The following ABCA13 variants were observed in gnomAD, a reference collection of about 807,000 sequenced individuals.
ABCA13 encodes the protein ATP binding cassette subfamily A member 13.
Under a neutral mutation model 478.7 loss-of-function variants are expected in ABCA13, and 476 were observed. The ratio of observed to expected loss-of-function variants is 0.99; its 90% CI spans 0.92 to 1.07. ABCA13 has a LOEUF of 1.07. ABCA13 is among the 50% of genes least tolerant of loss of function. The pLI is 0.00. For synonymous variants in ABCA13, 2,252 were observed against 2,158.9 expected (o/e 1.04, Z -1.20); for missense variants, 6,060 against 5,910.6 (o/e 1.03, Z -0.83).
At chr7:48,384,464 C>G (rs368471669) in intron 35 of ABCA13, among the ~76,000 whole-genome samples, 1 of 152,154 alleles carries the variant, frequency 6.6e-6, no homozygotes. Flanking sequence ...ACTGGGCAAC[C>G]CTTGCTGTTC....
chr7:48,580,751 G>T (rs892601273), intron 56 of ABCA13, among the ~76,000 whole-genome samples: 1 of 152,148 alleles, frequency 6.6e-6, no homozygotes, highest in African/African-American at 2.4e-5. Context: ...GCTTGTGAAA[G>T]TGTGGGCACA....
chr7:48,263,115 A>G (rs987131393), intron 15 of ABCA13, among the ~76,000 whole-genome samples: 1 of 151,916 alleles, frequency 6.6e-6, no homozygotes, highest in Non-Finnish European at 1.5e-5. Flanking sequence ...CAGTATCAAC[A>G]TCATCTGGAT....
At chr7:48,174,298 T>G (rs1249331931) in intron 1 of ABCA13, among the ~76,000 whole-genome samples, 2 of 152,234 alleles carry the variant, frequency 1.3e-5, no homozygotes, top group African/African-American at 4.8e-5. Flanking sequence ...ACTGTTTTTT[T>G]TAGCTTTTTT....
chr7:48,484,303 A>G (rs1417084315), intron 47 of ABCA13, among the ~76,000 whole-genome samples: 4 of 152,222 alleles, frequency 2.6e-5, no homozygotes, highest in Non-Finnish European at 5.9e-5. Context: ...GAATCTCTCC[A>G]ACAGCTGAGG....
At chr7:48,383,190 A>C (rs1259596543) in intron 35 of ABCA13, among the ~76,000 whole-genome samples, 1 of 152,226 alleles carries the variant, frequency 6.6e-6, no homozygotes, top group African/African-American at 2.4e-5. Flanking sequence ...GGATACAACT[A>C]ATAAAGAGTA....
Position 48,234,157 on chromosome 7 carries a change from C to T in ABCA13, c.897+6C>T, listed in dbSNP as rs1280088296. The T allele has an allele frequency of 6.2e-7, 1 of 1,613,896 alleles. No homozygotes were observed. The highest frequency in any genetic ancestry group is 1.1e-5 in the South Asian group (1 of 91,078). On this transcript the variant is annotated splice_donor_region_variant and intron_variant, in intron 8 of 61. Transcript: ENST00000435803. ...CTTCAGCTGAACTGAAGGAGGTACA[C>T]ATGCTTGACTGCTTCTCACACCGCT...
Position 48,274,322 on chromosome 7 carries a change from G to T in ABCA13, c.4656G>T (p.Lys1552Asn), listed in dbSNP as rs773371087. The change falls in exon 17 of 62, where the codon AAG (lysine) becomes AAT (asparagine). Residue 1552 changes from lysine to asparagine, a missense_variant. Coordinates refer to ENST00000435803, the MANE Select transcript of ABCA13 (RefSeq NM_152701.5). ...NIWLHLITLG[K>N]EFQKLVKGIY... The stretch of plus-strand genomic sequence containing the variant: ...GGCTTCATTTAATAACACTGGGGAA[G>T]GAATTTCAGAAGCTTGTAAAAGGTA... 9 of 1,613,380 alleles carry T rather than the reference G, an allele frequency of 5.6e-6. No individual in the cohort carries two copies. The Admixed American group carries it at 1.2e-4, about 21-fold the overall frequency.
At position 48,427,778 on chromosome 7, in the gene ABCA13, C is replaced by T. The variant is rs1378893581; in HGVS notation, c.12472C>T (p.Leu4158Phe). The T allele has an allele frequency of 4.3e-6, 7 of 1,610,310 alleles. No individual in the cohort carries two copies. The highest frequency in any genetic ancestry group is 1.7e-5 in the Admixed American group (1 of 59,848). ...DTTLEEVFLM[L>F]LQDSNKKSHI... ...TTTTCTCCGAAAGGTGTTTTTGATG[C>T]TTTTGCAAGATTCCAACAAGAAATC... is the stretch of plus-strand genomic sequence containing the variant. Residue 4158 changes from leucine (L) to phenylalanine (F), a missense_variant, in exon 42 of 62, where the codon CTT becomes TTT. Leu to Phe is a conservative substitution (Grantham distance 22). Coordinates refer to ENST00000435803, the MANE Select transcript of ABCA13 (RefSeq NM_152701.5).
At chr7:48,398,050 A>G (rs1817088875) in intron 38 of ABCA13, among the ~76,000 whole-genome samples, 2 of 152,198 alleles carry the variant, frequency 1.3e-5, no homozygotes, top group African/African-American at 4.8e-5. Context: ...ACTTGGATAT[A>G]CATGGAAAAT....
intron 27 of ABCA13, among the ~76,000 whole-genome samples, chr7:48,319,790 C>A (rs1803153082): frequency 1.3e-5 from 2 of 152,168 alleles, no homozygotes; most frequent in African/African-American, 4.8e-5. Context: ...GGGCTTATTG[C>A]ATTCTCTTTG....
chr7:48,329,721 C>T (rs888256568), intron 27 of ABCA13, among the ~76,000 whole-genome samples: 1 of 152,106 alleles, frequency 6.6e-6, no homozygotes, highest in African/African-American at 2.4e-5. Context: ...AACCATCCAT[C>T]CATCCATTCA....
rs1796126451 is a variant in ABCA13, at chr7:48,275,128, T to A, written c.5462T>A (p.Val1821Glu). 3 of 1,613,728 alleles carry A rather than the reference T, an allele frequency of 1.9e-6. No individual in the cohort carries two copies. In the Admixed American group the frequency reaches 5.0e-5, roughly 27 times the overall value. Residue 1821 changes from valine (V) to glutamate (E), a missense_variant, in exon 17 of 62, where the codon GTG becomes GAG. Transcript: ENST00000435803. ...TCAGAGGCTTTAGCTTGTTTTCCTG[T>A]GGTTTGGTGCTGGAATCACACAAAT... ...IISEALACFP[V>E]VWCWNHTNSG...
Position 48,586,868 on chromosome 7 carries a change from G to T in ABCA13, c.14506-286G>T, listed in dbSNP as rs757203337. Among the ~76,000 whole-genome samples the T allele has an allele frequency of 1.4e-4, 21 of 152,142 alleles. No homozygotes were observed. The South Asian group carries it at 2.5e-3, about 18-fold the overall frequency. ...CTCACCTCAACATGCTTATTTATCT[G>T]GACCCCCAACCTTGAGTGTGTTTCT... On this transcript the variant is annotated intron_variant, in intron 56 of 61. Coordinates refer to ENST00000435803, the MANE Select transcript of ABCA13 (RefSeq NM_152701.5).
chr7:48,428,482 G>A (rs1270796260), intron 42 of ABCA13, among the ~76,000 whole-genome samples: 2 of 152,274 alleles, frequency 1.3e-5, no homozygotes, highest in Middle Eastern at 3.4e-3. Flanking sequence ...TGAGCTCTAG[G>A]GATGTGGAGG....
At chr7:48,193,408 T>C (rs746577924) in intron 2 of ABCA13, among the ~76,000 whole-genome samples, 1 of 152,144 alleles carries the variant, frequency 6.6e-6, no homozygotes, top group African/African-American at 2.4e-5. Context: ...GTAATGTTGA[T>C]GGTGGTGATG....
At position 48,273,449 on chromosome 7, in the gene ABCA13, A is replaced by T. The variant is rs759246141; in HGVS notation, c.3783A>T (p.Glu1261Asp). 8.7e-6 allele frequency: 14 copies of T among 1,612,562 alleles called. No individual in the cohort carries two copies. In the South Asian group the frequency reaches 1.2e-4, roughly 14 times the overall value. Residue 1261 changes from glutamate (E) to aspartate (D), a missense_variant, in exon 17 of 62, where the codon GAA becomes GAT. Transcript: ENST00000435803. ...EQVEKSLFTM[E>D]AALHQLKTFP... ...TGGAGAAATCCCTTTTCACCATGGA[A>T]GCTGCCCTGCATCAGTTGAAGACAT... is the stretch of plus-strand genomic sequence containing the variant.
chr7:48,376,857 A>G (rs548645998), intron 35 of ABCA13, among the ~76,000 whole-genome samples: 24 of 152,278 alleles, frequency 1.6e-4, no homozygotes, highest in Non-Finnish European at 2.8e-4. Context: ...CAGTCTACAC[A>G]GAAAATATCC....
intron 59 of ABCA13, chr7:48,626,571 C>T: frequency 7.2e-6 from 7 of 974,390 alleles, no homozygotes; most frequent in Non-Finnish European, 8.5e-6. Context: ...AATAACTGGC[C>T]TATTAAACAG....
At chr7:48,630,497 C>CT (rs1210439248) in intron 59 of ABCA13, among the ~76,000 whole-genome samples, 1 of 152,180 alleles carries the variant, frequency 6.6e-6, no homozygotes, top group Non-Finnish European at 1.5e-5. Context: ...CGATCTTGTT[C>CT]TTTTTTACGA....
Sources: gnomAD v4.1 joint callset for allele counts (sites outside exome capture counted in the v4.1 genomes callset) on GRCh38, gnomAD v4.1.1 for gene constraint, MANE v1.5 for transcripts, NCBI Gene and HGNC (gene_info 2026-07-23, HGNC 2026-07-21) for gene names.